The following CSMD1 variants were observed in gnomAD, a reference collection of about 807,000 sequenced individuals.
The protein encoded by CSMD1 is CUB and sushi domain-containing protein 1.
A neutral mutation model predicts 417.5 loss-of-function variants in CSMD1; 213 were observed. The observed-to-expected ratio is 0.51, with a 90% confidence interval of 0.46 to 0.57. CSMD1 has a LOEUF of 0.57. Ranked by LOEUF, CSMD1 falls within the 20% of genes least tolerant of loss-of-function variation. The probability of loss-of-function intolerance (pLI) is 0.00; values close to 1 mark genes in which losing one functional copy is unlikely to be tolerated. For missense variants in CSMD1, 6,923 were observed against 4,529.7 expected (o/e 1.53, Z -15.17); for synonymous variants, 2,862 against 1,736.8 (o/e 1.65, Z -16.11).
chr8:4,129,090 A>G (rs866001885), intron 3 of CSMD1, among the ~76,000 whole-genome samples: 2 of 150,474 alleles, frequency 1.3e-5, no homozygotes, highest in Non-Finnish European at 3.0e-5. Context: ...AAAAAAAAAA[A>G]AACAAAACAA....
chr8:3,810,317 C>T (rs149794800), intron 5 of CSMD1, among the ~76,000 whole-genome samples: 4 of 152,280 alleles, frequency 2.6e-5, no homozygotes, highest in African/African-American at 9.6e-5. Flanking sequence ...ACCCAAACAA[C>T]CAGAGCCACT....
At chr8:4,413,384 T>A (rs911364758) in intron 3 of CSMD1, among the ~76,000 whole-genome samples, 1 of 152,148 alleles carries the variant, frequency 6.6e-6, no homozygotes, top group Non-Finnish European at 1.5e-5. Flanking sequence ...AAGTCACAGG[T>A]AGCACATAAG....
intron 5 of CSMD1, among the ~76,000 whole-genome samples, chr8:3,929,666 T>C (rs1051334353): frequency 2.6e-5 from 3 of 114,236 alleles, no homozygotes; most frequent in African/African-American, 8.7e-5. Context: ...ATAAAAATAC[T>C]ATTTTTTTTT....
chr8:4,516,816 A>G (rs1803153156), intron 2 of CSMD1, among the ~76,000 whole-genome samples: 1 of 152,082 alleles, frequency 6.6e-6, no homozygotes, highest in Admixed American at 6.6e-5. Flanking sequence ...TTTATTAAAT[A>G]TTTATTTTGG....
At chr8:4,130,150 C>T (rs1803009411) in intron 3 of CSMD1, among the ~76,000 whole-genome samples, 1 of 152,098 alleles carries the variant, frequency 6.6e-6, no homozygotes, top group African/African-American at 2.4e-5. Context: ...GCTTATTTTA[C>T]TGAAAAAGAC....
chr8:4,122,583 G>C (rs1251733924), intron 3 of CSMD1, among the ~76,000 whole-genome samples: 1 of 152,166 alleles, frequency 6.6e-6, no homozygotes, highest in Non-Finnish European at 1.5e-5. Flanking sequence ...GACATCGCAT[G>C]CCCTACAAAA....
At chr8:4,346,763 A>T (rs1303668763) in intron 3 of CSMD1, among the ~76,000 whole-genome samples, 1 of 152,202 alleles carries the variant, frequency 6.6e-6, no homozygotes, top group African/African-American at 2.4e-5. Context: ...ATTCTTATCA[A>T]AATTCAAAGG....
chr8:4,406,180 G>A (rs1445334959), intron 3 of CSMD1, among the ~76,000 whole-genome samples: 1 of 152,180 alleles, frequency 6.6e-6, no homozygotes, highest in Non-Finnish European at 1.5e-5. Context: ...ATGCTGAGTA[G>A]GATTTTTCCA....
rs139305949 is a variant in CSMD1, at chr8:4,031,795, G to A, written c.610+110C>T. 3.4e-4 allele frequency: 265 copies of A among 774,032 alleles called. 1 individual carries two copies. In the African/African-American group the frequency reaches 4.4e-3, roughly 13 times the overall value. 47.9% of individuals were successfully genotyped at this position (774,032 alleles called of 1,614,324 possible). On this transcript the variant is annotated intron_variant, in intron 4 of 69. Coordinates refer to ENST00000635120, the MANE Select transcript of CSMD1 (RefSeq NM_033225.6). ...AGCAGAATGAGCTGACATTGTAAGA[G>A]TCAGCTCAACATGTATTATTTTCAT...
At chr8:3,852,063 G>C (rs558166864) in intron 5 of CSMD1, among the ~76,000 whole-genome samples, 3 of 152,310 alleles carry the variant, frequency 2.0e-5, no homozygotes, top group East Asian at 1.9e-4. Context: ...GGTTGAGGCA[G>C]ACTGGAGGAG....
chr8:4,034,814 A>T (rs1264122494), intron 3 of CSMD1, among the ~76,000 whole-genome samples: 2 of 152,206 alleles, frequency 1.3e-5, no homozygotes, highest in Admixed American at 6.5e-5. Flanking sequence ...TAGAAGGCAC[A>T]CATTTTCCAA....
At chr8:4,508,089 C>A (rs1369402408) in intron 2 of CSMD1, among the ~76,000 whole-genome samples, 43 of 125,884 alleles carry the variant, frequency 3.4e-4, no homozygotes, top group South Asian at 7.6e-4. Context: ...AAAAAAATAC[C>A]AAAAAAAAAA....
intron 49 of CSMD1, among the ~76,000 whole-genome samples, chr8:3,055,432 A>G (rs905014128): frequency 2.0e-5 from 3 of 152,246 alleles, no homozygotes; most frequent in Admixed American, 2.0e-4. Context: ...AAGTAGAATT[A>G]TAACACTTCT....
At chr8:4,322,599 T>C (rs759448404) in intron 3 of CSMD1, among the ~76,000 whole-genome samples, 11 of 152,146 alleles carry the variant, frequency 7.2e-5, no homozygotes, top group East Asian at 1.9e-4. Context: ...ATAAAAGACA[T>C]GTTGTAGAAG....
chr8:3,899,693 G>C (rs1584933238), intron 5 of CSMD1, among the ~76,000 whole-genome samples: 1 of 152,168 alleles, frequency 6.6e-6, no homozygotes, highest in East Asian at 1.9e-4. Context: ...GGCTAAATAT[G>C]ACAAATAACT....
chr8:3,477,739 C>G (rs766684016), intron 11 of CSMD1, among the ~76,000 whole-genome samples: 1 of 152,166 alleles, frequency 6.6e-6, no homozygotes, highest in African/African-American at 2.4e-5. Flanking sequence ...TCTTGGGTCT[C>G]TCACATATCT....
intron 1 of CSMD1, among the ~76,000 whole-genome samples, chr8:4,989,999 A>C (rs573590657): frequency 6.6e-6 from 1 of 152,296 alleles, no homozygotes; most frequent in East Asian, 1.9e-4. Context: ...TCGTCTTACC[A>C]AGCATGATTG....
rs193287812 is a variant in CSMD1 at position 4,707,107 on chromosome 8, G to C, written c.86-69549C>G. Among the ~76,000 whole-genome samples, 144 of 152,268 alleles carry C rather than the reference G, an allele frequency of 9.5e-4. No individual in the cohort carries two copies. The Middle Eastern group carries it at 0.02, about 22-fold the overall frequency. On this transcript the variant is annotated intron_variant, in intron 1 of 69. Coordinates refer to ENST00000635120, the MANE Select transcript of CSMD1 (RefSeq NM_033225.6). ...TGGCAGCTGTGTGGAAAATGAAGCA[G>C]ATACTAAATACAGCCAGAAAGCTGT...
chr8:4,266,744 A>T (rs1804253920), intron 3 of CSMD1, among the ~76,000 whole-genome samples: 2 of 105,264 alleles, frequency 1.9e-5, no homozygotes, highest in African/African-American at 5.2e-5. Flanking sequence ...GTCTAATAAA[A>T]ATTTGATGAT....
Sources: gnomAD v4.1 joint callset for allele counts (sites outside exome capture counted in the v4.1 genomes callset) on GRCh38, gnomAD v4.1.1 for gene constraint, MANE v1.5 for transcripts, NCBI Gene and HGNC (gene_info 2026-07-23, HGNC 2026-07-21) for gene names.